Variants in GPC1 observed in about 807,000 individuals in gnomAD.
GPC1 encodes the protein glypican-1.
Under a neutral mutation model 51.5 loss-of-function variants are expected in GPC1, and 26 were observed. That is an observed-to-expected ratio of 0.50 (90% confidence interval 0.37 to 0.70). The LOEUF (loss-of-function observed/expected upper bound fraction) is 0.70, where lower values mean the gene tolerates loss of function less well. Ranked by LOEUF, GPC1 falls within the 30% of genes least tolerant of loss-of-function variation. The pLI, the probability that GPC1 is intolerant of heterozygous loss-of-function variation, is 0.00. For synonymous variants in GPC1, 380 were observed against 348.3 expected (o/e 1.09, Z -1.01); for missense variants, 775 against 800.5 (o/e 0.97, Z 0.38).
intron 1 of GPC1, among the ~76,000 whole-genome samples, chr2:240,437,712 AGCAGAGTG>A (rs2073992896): frequency 6.6e-6 from 1 of 152,130 alleles, no homozygotes; most frequent in Non-Finnish European, 1.5e-5. Context: ...GCACCAGGGT[AGCAGAGTG>A]GCTGAGTGGC....
chr2:240,450,684 G>T (rs1225720382), intron 1 of GPC1: 1 of 469,744 alleles, frequency 2.1e-6, no homozygotes, highest in Non-Finnish European at 4.4e-6. Flanking sequence ...TGCTGGCTTG[G>T]GGGGGTGTGG....
At chr2:240,446,252 C>T (rs570541845) in intron 1 of GPC1, among the ~76,000 whole-genome samples, 5 of 152,290 alleles carry the variant, frequency 3.3e-5, no homozygotes, top group South Asian at 2.1e-4. Flanking sequence ...ATCTGCCTGC[C>T]GTGCGAGTGA....
chr2:240,459,190 T>C lies in GPC1; in HGVS notation c.325+2T>C, dbSNP rs753116061. 1 of 1,611,124 alleles carries C rather than the reference T, an allele frequency of 6.2e-7. No individual in the cohort carries two copies. The highest frequency in any genetic ancestry group is 1.1e-5 in the South Asian group (1 of 90,928). ...CCACCCAGCTGCGCAGCTTCGATGG[T>C]GAGTGCCTCCCACGGGCGCTCGGGG... On this transcript the variant is annotated splice_donor_variant, in intron 2 of 8. Transcript: ENST00000264039. LOFTEE classifies it high-confidence loss of function.
chr2:240,440,236 G>A (rs909539683), intron 1 of GPC1, among the ~76,000 whole-genome samples: 4 of 152,320 alleles, frequency 2.6e-5, no homozygotes, highest in African/African-American at 9.6e-5. Context: ...ATGAACCCGG[G>A]TGCTCTTAGA....
rs1167055533 is a variant in GPC1 at position 240,464,599 on chromosome 2, G to T, written c.884-17G>T. ...CGCGTTAACGCCTGTGTGTCCGCGTGTTAACGCCTGTCCTAGACTCCATGG... is the reference window on the plus strand; with the variant it reads ...CGCGTTAACGCCTGTGTGTCCGCGTTTTAACGCCTGTCCTAGACTCCATGG... On this transcript the variant is annotated splice_polypyrimidine_tract_variant and intron_variant, in intron 4 of 8. Coordinates refer to ENST00000264039, the MANE Select transcript of GPC1 (RefSeq NM_002081.3). The T allele has an allele frequency of 6.2e-7, 1 of 1,610,574 alleles. No individual in the cohort carries two copies. Among genetic ancestry groups the T allele is most frequent in the Non-Finnish European group, 8.5e-7 (1 of 1,178,090 alleles).
At chr2:240,452,927 C>A in intron 1 of GPC1, 1 of 304,240 alleles carries the variant, frequency 3.3e-6, no homozygotes, top group South Asian at 2.4e-5. Flanking sequence ...GCGAGCCCTT[C>A]CGCCCGGCCC....
chr2:240,463,339 C>T lies in GPC1; in HGVS notation c.718-8C>T, dbSNP rs2074233131. On this transcript the variant is annotated splice_region_variant and splice_polypyrimidine_tract_variant and intron_variant, in intron 3 of 8. Coordinates refer to ENST00000264039, the MANE Select transcript of GPC1 (RefSeq NM_002081.3). ...TCGGGGCCTGGCTTAGGGTCCCTTGCTCCCCAGGTCCCCCTGGGCCCGGAG... is the reference window on the plus strand; with the variant it reads ...TCGGGGCCTGGCTTAGGGTCCCTTGTTCCCCAGGTCCCCCTGGGCCCGGAG... 6.2e-7 allele frequency: 1 copy of T among 1,611,782 alleles called. No individual in the cohort carries two copies. Among genetic ancestry groups the T allele is most frequent in the African/African-American group, 1.3e-5 (1 of 74,894 alleles).
chr2:240,465,629 C>G lies in GPC1; in HGVS notation c.1425C>G (p.Asp475Glu). 4 of 1,612,862 alleles carry G rather than the reference C, an allele frequency of 2.5e-6. No individual in the cohort carries two copies. Among genetic ancestry groups the G allele is most frequent in the Non-Finnish European group, 2.5e-6 (3 of 1,179,930 alleles). ...NRLRSAYNGNDVDFQDASDDG... is the reference protein window; with the variant it reads ...NRLRSAYNGNEVDFQDASDDG... ...TGCGCAGCGCCTACAACGGCAACGA[C>G]GTGGACTTCCAGGACGCCAGTGAGG... The change falls in exon 8 of 9, where the codon GAC (aspartate) becomes GAG (glutamate). Residue 475 changes from aspartate (D) to glutamate (E), a missense_variant. Coordinates refer to ENST00000264039, the MANE Select transcript of GPC1 (RefSeq NM_002081.3).
intron 1 of GPC1, among the ~76,000 whole-genome samples, chr2:240,447,212 T>C (rs987545829): frequency 4.6e-5 from 7 of 152,142 alleles, no homozygotes; most frequent in African/African-American, 1.7e-4. Flanking sequence ...TGAGTCGAAA[T>C]TGAGGTGTCG....
chr2:240,463,202 G>C (rs1421953108), intron 3 of GPC1, 145 bp from the exon 4 acceptor site: 1 of 651,972 alleles, frequency 1.5e-6, no homozygotes, highest in East Asian at 2.7e-5. Context: ...TGCGAGTCAG[G>C]CAGCGACCAC....
intron 1 of GPC1, chr2:240,453,173 T>C (rs1429000955): frequency 1.4e-5 from 3 of 220,102 alleles, no homozygotes; most frequent in South Asian, 8.2e-5. Context: ...CCTGCCCCGC[T>C]TGGCCGCCGC....
At chr2:240,446,186 C>CG (rs1307299763) in intron 1 of GPC1, among the ~76,000 whole-genome samples, 1 of 152,210 alleles carries the variant, frequency 6.6e-6, no homozygotes, top group African/African-American at 2.4e-5. Context: ...GGGTCCGAAA[C>CG]GGGGGAACGT....
chr2:240,446,838 A>AG (rs1260281152), intron 1 of GPC1, among the ~76,000 whole-genome samples: 1 of 152,298 alleles, frequency 6.6e-6, no homozygotes, highest in East Asian at 1.9e-4. Context: ...TTCGGCCCGC[A>AG]GAGGACGGAG....
chr2:240,436,781 C>T (rs1314517130), intron 1 of GPC1, among the ~76,000 whole-genome samples: 1 of 152,252 alleles, frequency 6.6e-6, no homozygotes, highest in East Asian at 1.9e-4. Context: ...GGCGCTTGGG[C>T]AGCCTCGTGC....
rs1225568145 is a variant in GPC1, at chr2:240,457,908, C to T, written c.167-1122C>T. ...AAGTTGCTGGAATTCCTGCTGACAA[C>T]GCCCCCCCTTGACCCCACCCCTCTG... On this transcript the variant is annotated intron_variant, in intron 1 of 8. Transcript: ENST00000264039. 7 of 367,524 alleles carry T rather than the reference C, an allele frequency of 1.9e-5. No individual in the cohort carries two copies. The East Asian group carries it at 2.3e-4, about 12-fold the overall frequency. 22.8% of individuals were successfully genotyped at this position (367,524 alleles called of 1,614,324 possible). A position where few individuals can be genotyped will look rare whatever the true frequency, so the allele number is the denominator to read the frequency against.
chr2:240,447,267 G>A (rs140443594), intron 1 of GPC1, among the ~76,000 whole-genome samples: 4 of 152,250 alleles, frequency 2.6e-5, no homozygotes, highest in African/African-American at 7.2e-5. Flanking sequence ...GAGATCCCTC[G>A]AGCTATGCCC....
chr2:240,449,890 T>C (rs1203519464), intron 1 of GPC1: 3 of 470,862 alleles, frequency 6.4e-6, no homozygotes, highest in South Asian at 4.6e-5. Context: ...TTTCTTCCTT[T>C]TCACGGATTA....
chr2:240,458,274 G>T (rs2074187001), intron 1 of GPC1: 1 of 311,574 alleles, frequency 3.2e-6, no homozygotes, highest in African/African-American at 2.2e-5. Context: ...CTGACTCAAA[G>T]CCTGTCCTGT....
At chr2:240,444,403 G>A (rs1243231594) in intron 1 of GPC1, among the ~76,000 whole-genome samples, 7 of 152,180 alleles carry the variant, frequency 4.6e-5, no homozygotes, top group East Asian at 1.9e-4. Flanking sequence ...AGGACCCTGC[G>A]GCACTGTCCA....
Sources: gnomAD v4.1 joint callset for allele counts (sites outside exome capture counted in the v4.1 genomes callset) on GRCh38, gnomAD v4.1.1 for gene constraint, MANE v1.5 for transcripts, NCBI Gene and HGNC (gene_info 2026-07-23, HGNC 2026-07-21) for gene names.